CHCHD3: variants seen among roughly 807,000 people sequenced by gnomAD.
The protein encoded by CHCHD3 is coiled-coil-helix-coiled-coil-helix domain containing 3, also known as MICOS complex subunit MIC19.
CHCHD3 carries 20 observed loss-of-function variants against 38.2 expected under a neutral mutation model. That is an observed-to-expected ratio of 0.52 (90% CI 0.37 to 0.76). The LOEUF (loss-of-function observed/expected upper bound fraction) is 0.76, where lower values mean the gene tolerates loss of function less well. Ranked by LOEUF, CHCHD3 falls within the 30% of genes least tolerant of loss-of-function variation. The probability of loss-of-function intolerance (pLI) is 0.00; values close to 1 mark genes in which losing one functional copy is unlikely to be tolerated. For synonymous variants in CHCHD3, 82 were observed against 100.0 expected (o/e 0.82, Z 1.07); for missense variants, 245 against 279.2 (o/e 0.88, Z 0.87).
intron 2 of CHCHD3, among the ~76,000 whole-genome samples, chr7:133,065,587 C>T (rs997388385): frequency 2.0e-5 from 3 of 152,142 alleles, no homozygotes; most frequent in Non-Finnish European, 4.4e-5. Flanking sequence ...ATATAATTTA[C>T]TTCACACTGA....
At chr7:132,820,984 T>A (rs896429934) in intron 6 of CHCHD3, among the ~76,000 whole-genome samples, 2 of 152,202 alleles carry the variant, frequency 1.3e-5, no homozygotes, top group African/African-American at 4.8e-5. Flanking sequence ...TCATGTAGCA[T>A]ATTAAAACAG....
At chr7:133,031,270 T>C (rs1292854873) in intron 2 of CHCHD3, among the ~76,000 whole-genome samples, 2 of 152,114 alleles carry the variant, frequency 1.3e-5, no homozygotes, top group Non-Finnish European at 2.9e-5. Context: ...ACTAAAGATA[T>C]GAAGGGAGGG....
chr7:132,849,272 TG>T (rs1808157608), intron 5 of CHCHD3: 1 of 152,190 alleles, frequency 6.6e-6, no homozygotes, highest in African/African-American at 2.4e-5. Flanking sequence ...TGCATGAACC[TG>T]AAGAACAATC....
chr7:132,836,827 C>T (rs920781402), intron 6 of CHCHD3, among the ~76,000 whole-genome samples: 41 of 152,244 alleles, frequency 2.7e-4, no homozygotes, highest in African/African-American at 9.9e-4. Flanking sequence ...AACCTCACAT[C>T]CACTGCCAGG....
intron 3 of CHCHD3, among the ~76,000 whole-genome samples, chr7:133,022,832 T>A: frequency 7.6e-6 from 1 of 131,584 alleles, no homozygotes; most frequent in Non-Finnish European, 1.6e-5. Flanking sequence ...GCAGAGCAAA[T>A]GGAAGCTGAA....
At chr7:133,057,332 C>T (rs1458310153) in intron 2 of CHCHD3, among the ~76,000 whole-genome samples, 1 of 152,110 alleles carries the variant, frequency 6.6e-6, no homozygotes, top group Non-Finnish European at 1.5e-5. Context: ...GAAGCTGAGA[C>T]AGAAGGATGG....
chr7:132,918,101 G>A (rs1184282721), intron 4 of CHCHD3, among the ~76,000 whole-genome samples: 1 of 152,064 alleles, frequency 6.6e-6, no homozygotes, highest in Non-Finnish European at 1.5e-5. Flanking sequence ...ACAACCCCCA[G>A]GTTTGATTCT....
chr7:132,912,841 C>T (rs767815068), intron 4 of CHCHD3, among the ~76,000 whole-genome samples: 1 of 152,242 alleles, frequency 6.6e-6, no homozygotes, highest in African/African-American at 2.4e-5. Flanking sequence ...AGGCATGAGC[C>T]ACTGCGCCCG....
At chr7:132,885,279 A>T (rs1004882599) in intron 5 of CHCHD3, among the ~76,000 whole-genome samples, 2 of 152,156 alleles carry the variant, frequency 1.3e-5, no homozygotes, top group South Asian at 2.1e-4. Flanking sequence ...AAAAGAAAAG[A>T]TAAAAGAAGA....
intron 5 of CHCHD3, among the ~76,000 whole-genome samples, chr7:132,844,044 A>C (rs1471296140): frequency 2.0e-5 from 3 of 152,260 alleles, no homozygotes; most frequent in African/African-American, 7.2e-5. Flanking sequence ...TCACGCCTGT[A>C]ATCCCAACAC....
intron 2 of CHCHD3, among the ~76,000 whole-genome samples, chr7:133,043,235 G>A (rs557880244): frequency 6.6e-6 from 1 of 152,020 alleles, no homozygotes; most frequent in Non-Finnish European, 1.5e-5. Context: ...TTAACTTGTT[G>A]CAGCCTTTAA....
rs1815187017 is a variant in CHCHD3 at position 133,081,941 on chromosome 7, T to G, written c.-4A>C. ...GGGTGCTGGTGGTCCCACCCATGAT[T>G]CCGGTTCCTGCCCCAGCGGAGACCT... On this transcript the variant is annotated 5_prime_UTR_variant, in exon 1 of 8. Transcript: ENST00000262570. 1 of 1,547,788 alleles carries G rather than the reference T, an allele frequency of 6.5e-7. No homozygotes were observed. Among genetic ancestry groups the G allele is most frequent in the Admixed American group, 1.9e-5 (1 of 51,404 alleles).
intron 3 of CHCHD3, among the ~76,000 whole-genome samples, chr7:133,017,799 A>G (rs982200984): frequency 6.6e-6 from 1 of 152,234 alleles, no homozygotes; most frequent in African/African-American, 2.4e-5. Context: ...AAATAAAACA[A>G]TAAGAATAAA....
intron 4 of CHCHD3, among the ~76,000 whole-genome samples, chr7:132,959,501 T>A (rs997882998): frequency 6.6e-6 from 1 of 151,978 alleles, no homozygotes; most frequent in African/African-American, 2.4e-5. Context: ...GGTGGGTACA[T>A]CATTTGAGGT....
At chr7:132,852,613 A>C (rs996640349) in intron 5 of CHCHD3, among the ~76,000 whole-genome samples, 1 of 152,236 alleles carries the variant, frequency 6.6e-6, no homozygotes, top group African/African-American at 2.4e-5. Flanking sequence ...AGAAAAACTG[A>C]GTGAATCCAG....
intron 5 of CHCHD3, among the ~76,000 whole-genome samples, chr7:132,868,911 A>G (rs1302490204): frequency 6.6e-6 from 1 of 152,086 alleles, no homozygotes; most frequent in Non-Finnish European, 1.5e-5. Flanking sequence ...CCCTCACCCA[A>G]GCTTTCATGT....
chr7:133,003,329 G>A (rs1812619236), intron 3 of CHCHD3, among the ~76,000 whole-genome samples: 1 of 152,132 alleles, frequency 6.6e-6, no homozygotes, highest in African/African-American at 2.4e-5. Context: ...AATAAATTGA[G>A]GCCTGTGTGC....
intron 3 of CHCHD3, among the ~76,000 whole-genome samples, chr7:132,983,738 T>A (rs1183156487): frequency 6.6e-6 from 1 of 151,826 alleles, no homozygotes; most frequent in Admixed American, 6.6e-5. Flanking sequence ...GTCATGACAT[T>A]AGAGGAAAAA....
At chr7:132,856,200 A>G (rs991530303) in intron 5 of CHCHD3, among the ~76,000 whole-genome samples, 1 of 151,966 alleles carries the variant, frequency 6.6e-6, no homozygotes, top group Non-Finnish European at 1.5e-5. Flanking sequence ...GTGTAGGTCC[A>G]AGTCCTTCCA....
Sources: allele counts gnomAD v4.1 joint callset (sites outside exome capture counted in the v4.1 genomes callset), GRCh38; gene constraint gnomAD v4.1.1; transcripts MANE v1.5; gene names NCBI Gene and HGNC (gene_info 2026-07-23, HGNC 2026-07-21).